Variants in ZSWIM5 observed in about 807,000 individuals in gnomAD.
ZSWIM5 encodes the protein zinc finger SWIM-type containing 5, also known as zinc finger SWIM domain-containing protein 5.
A neutral mutation model predicts 119.6 loss-of-function variants in ZSWIM5; 55 were observed. That is an observed-to-expected ratio of 0.46 (90% CI 0.37 to 0.58). The LOEUF (loss-of-function observed/expected upper bound fraction) is 0.58. ZSWIM5 is among the 20% of genes least tolerant of loss of function. The pLI, the probability that ZSWIM5 is intolerant of heterozygous loss-of-function variation, is 0.00. For synonymous variants in ZSWIM5, 537 were observed against 606.9 expected (o/e 0.88, Z 1.69); for missense variants, 1,193 against 1,512.8 (o/e 0.79, Z 3.51).
intron 1 of ZSWIM5, among the ~76,000 whole-genome samples, chr1:45,154,465 C>T (rs562187190): frequency 3.5e-4 from 54 of 152,152 alleles, no homozygotes; most frequent in South Asian, 8.3e-4. Flanking sequence ...TAATCTTCGA[C>T]GAAACAAACA....
chr1:45,018,635 C>T lies in ZSWIM5; in HGVS notation c.3377G>A (p.Arg1126His), dbSNP rs748510791. 9.3e-6 allele frequency: 15 copies of T among 1,614,042 alleles called. No individual in the cohort carries two copies. Among genetic ancestry groups the T allele is most frequent in the South Asian group, 5.5e-5 (5 of 91,084 alleles). Residue 1126 changes from arginine to histidine, a missense_variant, in exon 14 of 14, where the codon CGC becomes CAC. Arg to His is a conservative substitution (Grantham distance 29). This residue lies in a region of ZSWIM5 where 961 missense variants were observed against 1,290.0 expected (regional missense o/e 0.74). Transcript: ENST00000359600. This position sits in a 1 kb window ranked among gnomAD's most constrained non-coding sequence, Gnocchi z 6.7. ...INAYINTTHS[R>H]LTHISPRHYG... ...GTGGCGAGGGCTGATGTGTGTTAGG[C>T]GTGAGTGTGTAGTGTTGATATAGGC...
intron 11 of ZSWIM5, among the ~76,000 whole-genome samples, chr1:45,022,076 T>C (rs996780192): frequency 2.6e-5 from 4 of 151,426 alleles, no homozygotes; most frequent in Non-Finnish European, 5.9e-5. Flanking sequence ...ATGGAAACAA[T>C]TGTTGTGAGA....
In ZSWIM5 at chr1:45,072,323, G is replaced by A. The variant is rs1315259833; in HGVS notation, c.953-12076C>T. Among the ~76,000 whole-genome samples the A allele has an allele frequency of 6.6e-6, 1 of 151,832 alleles. No homozygotes were observed. Among genetic ancestry groups the A allele is most frequent in the Admixed American group, 6.6e-5 (1 of 15,254 alleles). On this transcript the variant is annotated intron_variant, in intron 2 of 13. Transcript: ENST00000359600. This position sits in a 1 kb window ranked among gnomAD's most constrained non-coding sequence, Gnocchi z 4.1. ...GCTCCTTATATATTCTTGTTATTAA[G>A]TCCTTGTCAGATGGGTAGTTTGCTA...
At chr1:45,033,282 G>C (rs1409030596) in intron 11 of ZSWIM5, among the ~76,000 whole-genome samples, 1 of 151,944 alleles carries the variant, frequency 6.6e-6, no homozygotes, top group Non-Finnish European at 1.5e-5. Context: ...TTCTATTTTT[G>C]TATTTGTTTG....
At position 45,019,972 on chromosome 1, in the gene ZSWIM5, G is replaced by A; in HGVS notation, c.2695+94C>T. The stretch of plus-strand genomic sequence containing the variant: ...CTCCTGATGGACCTAAGATCTCATA[G>A]GAATATGAGAGCTCTAAGGATTGAT... On this transcript the variant is annotated intron_variant, in intron 13 of 13. Coordinates refer to ENST00000359600, the MANE Select transcript of ZSWIM5 (RefSeq NM_020883.2). The surrounding 1 kb of genome is among the most constrained non-coding windows in gnomAD (Gnocchi z 5.0). The A allele has an allele frequency of 9.3e-7, 1 of 1,071,750 alleles. No homozygotes were observed. 66.4% of individuals were successfully genotyped at this position (1,071,750 alleles called of 1,614,324 possible). A position where few individuals can be genotyped will look rare whatever the true frequency, so the allele number is the denominator to read the frequency against.
chr1:45,181,545 G>C (rs1646020038), intron 1 of ZSWIM5, among the ~76,000 whole-genome samples: 1 of 152,008 alleles, frequency 6.6e-6, no homozygotes, highest in Non-Finnish European at 1.5e-5. Flanking sequence ...AATCTAGCAA[G>C]GCAGGCCAAC....
At chr1:45,131,544 C>T (rs545982555) in intron 1 of ZSWIM5, among the ~76,000 whole-genome samples, 11 of 151,772 alleles carry the variant, frequency 7.2e-5, no homozygotes, top group East Asian at 5.8e-4. Flanking sequence ...GCCAACATGG[C>T]GAAACCCAGT....
At chr1:45,055,332 G>A (rs911534614) in intron 4 of ZSWIM5, among the ~76,000 whole-genome samples, 3 of 151,964 alleles carry the variant, frequency 2.0e-5, no homozygotes, top group South Asian at 2.1e-4. Flanking sequence ...CACCATGTTG[G>A]CCAGGCTTGT....
intron 1 of ZSWIM5, among the ~76,000 whole-genome samples, chr1:45,154,680 G>A (rs964384017): frequency 3.9e-5 from 6 of 152,158 alleles, no homozygotes; most frequent in African/African-American, 1.4e-4. Flanking sequence ...TCAGGAGTTC[G>A]AGACCAGCCT....
intron 1 of ZSWIM5, among the ~76,000 whole-genome samples, chr1:45,150,903 C>T (rs972347743): frequency 3.3e-5 from 5 of 152,158 alleles, no homozygotes; most frequent in African/African-American, 1.2e-4. Flanking sequence ...TTCCACATTG[C>T]CATTTGCAAG....
intron 2 of ZSWIM5, among the ~76,000 whole-genome samples, chr1:45,080,994 G>C (rs1645286348): frequency 6.6e-6 from 1 of 152,164 alleles, no homozygotes; most frequent in African/African-American, 2.4e-5. Context: ...CTGTTCTTAA[G>C]ATTAAAAGCA....
intron 11 of ZSWIM5, among the ~76,000 whole-genome samples, chr1:45,032,792 A>AT (rs11309060): frequency 2.2e-4 from 33 of 148,748 alleles, no homozygotes; most frequent in African/African-American, 6.7e-4. Flanking sequence ...TGGCCTGATA[A>AT]TTTTTTTTTT....
At position 45,019,404 on chromosome 1, in the gene ZSWIM5, T is replaced by G; in HGVS notation, c.2696-88A>C. On this transcript the variant is annotated intron_variant, in intron 13 of 13. Transcript: ENST00000359600. This position sits in a 1 kb window ranked among gnomAD's most constrained non-coding sequence, Gnocchi z 5.0. ...TACCATTTGGGGTTTGAACTTGGCC[T>G]GCAGAGATGAATTCTTCCTCCTCAG... The G allele has an allele frequency of 6.7e-7, 1 of 1,498,420 alleles. No homozygotes were observed. Among genetic ancestry groups the G allele is most frequent in the Non-Finnish European group, 8.9e-7 (1 of 1,124,634 alleles). 92.8% of individuals were successfully genotyped at this position (1,498,420 alleles called of 1,614,324 possible).
intron 1 of ZSWIM5, among the ~76,000 whole-genome samples, chr1:45,154,133 T>C (rs527659208): frequency 5.5e-4 from 84 of 152,290 alleles, no homozygotes; most frequent in African/African-American, 1.9e-3. Context: ...CCCATGTTCA[T>C]GGATGGGTAG....
At chr1:45,038,547 A>T (rs1003525213) in intron 8 of ZSWIM5, among the ~76,000 whole-genome samples, 4 of 145,152 alleles carry the variant, frequency 2.8e-5, no homozygotes, top group African/African-American at 7.6e-5. Context: ...GGGGGAAAAA[A>T]CTTCAAAAGG....
intron 1 of ZSWIM5, among the ~76,000 whole-genome samples, chr1:45,165,663 G>C (rs1375543272): frequency 1.3e-5 from 2 of 151,954 alleles, no homozygotes; most frequent in African/African-American, 2.4e-5. Flanking sequence ...GAAATACAAA[G>C]TACCATCAGA....
intron 2 of ZSWIM5, among the ~76,000 whole-genome samples, chr1:45,080,567 C>A (rs1168881936): frequency 6.6e-6 from 1 of 152,114 alleles, no homozygotes; most frequent in Non-Finnish European, 1.5e-5. Flanking sequence ...CCTCTTTTAG[C>A]AATATGAAGT....
chr1:45,037,849 T>C (rs112491206), intron 8 of ZSWIM5, among the ~76,000 whole-genome samples: 15 of 152,328 alleles, frequency 9.8e-5, no homozygotes, highest in African/African-American at 3.6e-4. Flanking sequence ...GGTGCACAAT[T>C]TCAGGAAGTA....
intron 1 of ZSWIM5, among the ~76,000 whole-genome samples, chr1:45,175,612 G>C (rs1004236584): frequency 2.0e-5 from 3 of 151,804 alleles, no homozygotes; most frequent in African/African-American, 7.3e-5. Flanking sequence ...CACCATGCCC[G>C]GCTAATTTTT....
Sources: gnomAD v4.1 joint callset for allele counts (sites outside exome capture counted in the v4.1 genomes callset) on GRCh38, gnomAD v4.1.1 for gene constraint, gnomAD v4.1.1 regional missense constraint, Gnocchi (gnomAD v3.1) non-coding constraint, MANE v1.5 for transcripts, NCBI Gene and HGNC (gene_info 2026-07-23, HGNC 2026-07-21) for gene names.